The following ALMS1 variants were observed in gnomAD, a reference collection of about 807,000 sequenced individuals.
ALMS1 encodes the protein centrosome-associated protein ALMS1.
A neutral mutation model predicts 352.2 loss-of-function variants in ALMS1; 271 were observed. The observed-to-expected ratio is 0.77, with a 90% CI of 0.70 to 0.85. The LOEUF is 0.85. ALMS1 is among the 40% of genes least tolerant of loss of function. The probability of loss-of-function intolerance (pLI) is 0.00; values close to 1 mark genes in which losing one functional copy is unlikely to be tolerated. For missense variants in ALMS1, 5,445 were observed against 4,870.7 expected, an observed-to-expected ratio of 1.12 and a Z score of -3.51; for synonymous variants, 1,865 against 1,761.2, an observed-to-expected ratio of 1.06 and a Z score of -1.48.
chr2:73,409,139 G>A (rs1671028632), intron 2 of ALMS1, among the ~76,000 whole-genome samples: 1 of 152,016 alleles, frequency 6.6e-6, no homozygotes, highest in South Asian at 2.1e-4. Context: ...GCCTCCCAAA[G>A]TGCTAGGATT....
At chr2:73,473,235 G>GC (rs1558659882) in intron 9 of ALMS1, among the ~76,000 whole-genome samples, 1 of 142,160 alleles carries the variant, frequency 7.0e-6, no homozygotes, top group African/African-American at 2.5e-5. Context: ...CCAACACAGA[G>GC]CAAAAAAGAC....
chr2:73,543,967 G>A (rs574849786), intron 12 of ALMS1, among the ~76,000 whole-genome samples: 75 of 152,268 alleles, frequency 4.9e-4, no homozygotes, highest in Admixed American at 1.3e-3. Flanking sequence ...CGATTCCTCA[G>A]GGATCTAGAA....
At chr2:73,427,935 A>G (rs1278072783) in intron 6 of ALMS1, among the ~76,000 whole-genome samples, 5 of 152,214 alleles carry the variant, frequency 3.3e-5, no homozygotes, top group Admixed American at 2.0e-4. Flanking sequence ...GTAAAGCTCT[A>G]TTAGTTTGGG....
chr2:73,462,309 C>A (rs1393822431), intron 9 of ALMS1, among the ~76,000 whole-genome samples: 4 of 152,138 alleles, frequency 2.6e-5, no homozygotes, highest in Admixed American at 2.0e-4. Context: ...ATTCAACATT[C>A]TTAAAGAAAA....
At chr2:73,483,624 TC>T (rs1325056907) in intron 9 of ALMS1, among the ~76,000 whole-genome samples, 1 of 151,720 alleles carries the variant, frequency 6.6e-6, no homozygotes, top group Non-Finnish European at 1.5e-5. Context: ...TTCCTGGGTA[TC>T]CTTGTTGACT....
intron 6 of ALMS1, 71 bp from the exon 7 acceptor site, chr2:73,432,127 A>C (rs1191587529): frequency 9.2e-7 from 1 of 1,086,226 alleles, no homozygotes; most frequent in Non-Finnish European, 1.4e-6. Flanking sequence ...ATTTCTTCGT[A>C]GGTGGGTCAT....
At chr2:73,483,448 T>A (rs1672758047) in intron 9 of ALMS1, among the ~76,000 whole-genome samples, 1 of 151,972 alleles carries the variant, frequency 6.6e-6, no homozygotes. Flanking sequence ...TAGTTTGTTA[T>A]AATTTCTGTT....
chr2:73,432,714 C>T (rs1463063671), intron 7 of ALMS1, among the ~76,000 whole-genome samples: 1 of 151,806 alleles, frequency 6.6e-6, no homozygotes, highest in Non-Finnish European at 1.5e-5. Context: ...AAAGCCTTAC[C>T]TCCTTAATTT....
intron 21 of ALMS1, among the ~76,000 whole-genome samples, chr2:73,607,601 C>T (rs1675842709): frequency 6.6e-6 from 1 of 151,858 alleles, no homozygotes; most frequent in Non-Finnish European, 1.5e-5. Context: ...TGTCCTTCTC[C>T]CCATTCCCTT....
intron 13 of ALMS1, among the ~76,000 whole-genome samples, chr2:73,554,406 A>G (rs570065036): frequency 6.6e-6 from 1 of 152,214 alleles, no homozygotes; most frequent in South Asian, 2.1e-4. Flanking sequence ...GTGAAAGACC[A>G]GGAAATAGAG....
chr2:73,584,149 A>G (rs1675259165), intron 16 of ALMS1, among the ~76,000 whole-genome samples: 1 of 152,172 alleles, frequency 6.6e-6, no homozygotes, highest in Admixed American at 6.6e-5. Flanking sequence ...TGGCTCTATT[A>G]TATGAAAAAT....
At position 73,448,476 on chromosome 2, in the gene ALMS1, C is replaced by T; in HGVS notation, c.1949C>T (p.Ala650Val). Residue 650 changes from alanine to valine, a missense_variant, in exon 8 of 23, where the codon GCT becomes GTT. Transcript: ENST00000613296. ...NLTEEPLEVS[A>V]APGPVEQKTG... Reference sequence around the variant, plus strand: ...ACCGAAGAGCCTTTGGAAGTTTCAGCTGCTCCTGGCCCAGTGGAGCAGAAG... The same window carrying T: ...ACCGAAGAGCCTTTGGAAGTTTCAGTTGCTCCTGGCCCAGTGGAGCAGAAG... 6.2e-7 allele frequency: 1 copy of T among 1,613,864 alleles called. No individual in the cohort carries two copies. Among genetic ancestry groups the T allele is most frequent in the Non-Finnish European group, 8.5e-7 (1 of 1,179,928 alleles).
At position 73,422,915 on chromosome 2, in the gene ALMS1, C is replaced by T. The variant is rs746878194; in HGVS notation, c.705C>T (p.Asp235=). Residue 235 remains aspartate (D), a synonymous_variant, in exon 4 of 23, where the codon GAC becomes GAT. Transcript: ENST00000613296. ...CTTTGCTGACCTGTTTGACACAAGA[C>T]CAAGAATTTGCGCCTGATTCTTTAT... ...DLPLLTCLTQ[D]QEFAPDSLFH... is the part of the protein sequence containing the mutation. 1.2e-6 allele frequency: 2 copies of T among 1,613,700 alleles called. No individual in the cohort carries two copies. The highest frequency in any genetic ancestry group is 3.3e-5 in the Admixed American group (2 of 60,008).
At position 73,481,827 on chromosome 2, in the gene ALMS1, C is replaced by T. The variant is rs564211571; in HGVS notation, c.7675-7807C>T. ...AAGTTGGATTCCTAGGTATTTTATTCTCTTTGAAGCAATTGTGAATGGGAG... is the reference window on the plus strand; with the variant it reads ...AAGTTGGATTCCTAGGTATTTTATTTTCTTTGAAGCAATTGTGAATGGGAG... On this transcript the variant is annotated intron_variant, in intron 9 of 22. Transcript: ENST00000613296. Among the ~76,000 whole-genome samples, 60 of 151,142 alleles carry T rather than the reference C, an allele frequency of 4.0e-4. 3 individuals are homozygous for T. In the South Asian group the frequency reaches 0.012, roughly 29 times the overall value.
intron 12 of ALMS1, among the ~76,000 whole-genome samples, chr2:73,544,377 A>G (rs1351125934): frequency 1.3e-5 from 2 of 152,078 alleles, no homozygotes; most frequent in Non-Finnish European, 2.9e-5. Context: ...GGGTGGGGGA[A>G]GCGGGGAGGG....
intron 1 of ALMS1, among the ~76,000 whole-genome samples, chr2:73,399,306 T>G (rs1291798565): frequency 6.6e-6 from 1 of 152,170 alleles, no homozygotes; most frequent in Non-Finnish European, 1.5e-5. Context: ...GTGTATTATG[T>G]CGTCATTGTG....
chr2:73,450,059 G>A lies in ALMS1; in HGVS notation c.3532G>A (p.Gly1178Ser), dbSNP rs1198766884. The A allele has an allele frequency of 1.9e-6, 3 of 1,613,800 alleles. No individual in the cohort carries two copies. The highest frequency in any genetic ancestry group is 1.7e-5 in the Admixed American group (1 of 60,002). ...AQKVSAVTGP[G>S]NQKTWIPRVL... ...GAAAGTTTCAGCTGTTACTGGACCA[G>A]GTAACCAGAAGACTTGGATACCAAG... is the stretch of plus-strand genomic sequence containing the variant. The change falls in exon 8 of 23, where the codon GGT (glycine) becomes AGT (serine). Residue 1178 changes from glycine (G) to serine (S), a missense_variant. Transcript: ENST00000613296.
Position 73,448,489 on chromosome 2 carries a change from A to G in ALMS1, c.1962A>G (p.Pro654=), listed in dbSNP as rs1572931748. ...EPLEVSAAPG[P]VEQKTGIPTV... ...TGGAAGTTTCAGCTGCTCCTGGCCC[A>G]GTGGAGCAGAAGACGGGAATACCTA... The change falls in exon 8 of 23, where the codon CCA becomes CCG. Residue 654 remains proline, a synonymous_variant. Transcript: ENST00000613296. The G allele has an allele frequency of 1.9e-6, 3 of 1,613,802 alleles. No individual in the cohort carries two copies. Among genetic ancestry groups the G allele is most frequent in the Admixed American group, 1.7e-5 (1 of 59,970 alleles).
intron 15 of ALMS1, among the ~76,000 whole-genome samples, chr2:73,568,228 A>G (rs1374401284): frequency 6.6e-6 from 1 of 152,206 alleles, no homozygotes; most frequent in Non-Finnish European, 1.5e-5. Context: ...TACATGGGGA[A>G]ACATTCATGT....
Sources: allele counts gnomAD v4.1 joint callset (sites outside exome capture counted in the v4.1 genomes callset), GRCh38; gene constraint gnomAD v4.1.1; transcripts MANE v1.5; gene names NCBI Gene and HGNC (gene_info 2026-07-23, HGNC 2026-07-21).